The following TRIM2 variants were observed in gnomAD, a reference collection of about 807,000 sequenced individuals.
TRIM2 encodes the protein tripartite motif containing 2.
In TRIM2, 20 loss-of-function variants were observed where a neutral mutation model predicts 75.2. That is an observed-to-expected ratio of 0.27 (90% CI 0.19 to 0.39). TRIM2 has a LOEUF of 0.39. Ranked by LOEUF, TRIM2 falls within the 10% of genes least tolerant of loss-of-function variation. TRIM2 has a pLI of 1.00. For missense variants in TRIM2, 660 were observed against 990.8 expected (o/e 0.67, Z 4.48); for synonymous variants, 373 against 388.3 (o/e 0.96, Z 0.46).
chr4:153,222,319 C>T (rs1740814589), intron 1 of TRIM2: 1 of 152,096 alleles, frequency 6.6e-6, no homozygotes, highest in Non-Finnish European at 1.5e-5. Flanking sequence ...TCAAGCTGAA[C>T]TCACTTCCCC....
upstream of TRIM2, chr4:153,152,703 AC>A (rs1728839441): frequency 6.6e-6 from 1 of 152,066 alleles, no homozygotes; most frequent in Admixed American, 6.5e-5. Context: ...TGAGCTTCTT[AC>A]GCTTTGCATG....
chr4:153,288,980 A>G (rs1014533543), intron 3 of TRIM2, among the ~76,000 whole-genome samples: 1 of 152,096 alleles, frequency 6.6e-6, no homozygotes, highest in Admixed American at 6.5e-5. Context: ...TTAGTGAGAC[A>G]TTGTTCTCAT....
At chr4:153,296,142 C>A in intron 6 of TRIM2, 106 bp downstream of exon 6, 3 of 1,386,984 alleles carry the variant, frequency 2.2e-6, no homozygotes, top group Non-Finnish European at 2.9e-6. Flanking sequence ...ACTCTACCTG[C>A]AGGTGTTAGG....
At chr4:153,159,991 A>C (rs1333750178) in intron 1 of TRIM2, among the ~76,000 whole-genome samples, 1 of 152,222 alleles carries the variant, frequency 6.6e-6, no homozygotes, top group Non-Finnish European at 1.5e-5. Flanking sequence ...AGCTATTTTA[A>C]GTAAGAGTTA....
chr4:153,170,898 T>G (rs1038223572), intron 1 of TRIM2, among the ~76,000 whole-genome samples: 1 of 152,220 alleles, frequency 6.6e-6, no homozygotes, highest in African/African-American at 2.4e-5. Context: ...CACTGACACC[T>G]GACCAGTAGA....
intron 1 of TRIM2, among the ~76,000 whole-genome samples, chr4:153,238,508 C>T (rs1378734186): frequency 6.6e-6 from 1 of 151,996 alleles, no homozygotes; most frequent in African/African-American, 2.4e-5. Flanking sequence ...TGGGAAGCAT[C>T]GTATGAATCT....
intron 1 of TRIM2, chr4:153,222,521 T>C (rs1376281287): frequency 6.6e-6 from 1 of 152,172 alleles, no homozygotes; most frequent in Non-Finnish European, 1.5e-5. Context: ...AACTTGCGTG[T>C]TTGTTTTCAT....
intron 6 of TRIM2, among the ~76,000 whole-genome samples, chr4:153,298,309 T>G (rs1192188841): frequency 1.3e-5 from 2 of 152,216 alleles, no homozygotes; most frequent in Non-Finnish European, 2.9e-5. Flanking sequence ...AGACATTTAT[T>G]TTCTCACAGT....
chr4:153,318,272 C>G (rs1768140526), intron 8 of TRIM2, among the ~76,000 whole-genome samples: 1 of 152,202 alleles, frequency 6.6e-6, no homozygotes, highest in Admixed American at 6.5e-5. Context: ...TTTTTAAAGT[C>G]TTCAGACTGC....
Position 153,338,937 on chromosome 4 carries a change from G to T in TRIM2, c.*3971G>T. ...CAATTCTATAGACTTTCAAGCCTAT[G>T]TATGAATATGAAGGGGTTTTTTTTT... On this transcript the variant is annotated 3_prime_UTR_variant, in exon 12 of 12. Coordinates refer to ENST00000338700, the MANE Select transcript of TRIM2 (RefSeq NM_015271.5). 1 of 979,616 alleles carries T rather than the reference G, an allele frequency of 1.0e-6. No homozygotes were observed. Among genetic ancestry groups the T allele is most frequent in the Non-Finnish European group, 1.2e-6 (1 of 827,576 alleles). 60.7% of individuals were successfully genotyped at this position (979,616 alleles called of 1,614,324 possible).
chr4:153,218,154 T>C (rs7660732), intron 1 of TRIM2, among the ~76,000 whole-genome samples: 101,736 of 152,110 alleles, frequency 0.67, 34,409 homozygotes, highest in East Asian at 0.88. Context: ...TATTCAATTG[T>C]AAATATTTAT....
At chr4:153,306,404 A>ATG (rs1291596695) in intron 6 of TRIM2, among the ~76,000 whole-genome samples, 1 of 152,242 alleles carries the variant, frequency 6.6e-6, no homozygotes, top group African/African-American at 2.4e-5. Context: ...AAGAGCAGAT[A>ATG]TGTGTCAGTT....
intron 1 of TRIM2, among the ~76,000 whole-genome samples, chr4:153,158,079 T>C (rs72727829): frequency 0.07 from 10,728 of 152,348 alleles, 587 homozygotes; most frequent in Admixed American, 0.14. Context: ...GCCTCTCTAT[T>C]CTAGAGCTTT....
intron 1 of TRIM2, among the ~76,000 whole-genome samples, chr4:153,260,727 TC>T (rs1560903292): frequency 1.1e-5 from 1 of 93,230 alleles, no homozygotes; most frequent in African/African-American, 4.1e-5. Context: ...CACACACACA[TC>T]ATCATCATCA....
At chr4:153,219,186 A>G (rs1368971776) in intron 1 of TRIM2, among the ~76,000 whole-genome samples, 2 of 152,136 alleles carry the variant, frequency 1.3e-5, no homozygotes, top group Non-Finnish European at 2.9e-5. Flanking sequence ...CTTTCCAGCT[A>G]TTTCAAAGAG....
chr4:153,257,736 C>G lies in TRIM2; in HGVS notation c.31-12599C>G, dbSNP rs1463328719. The G allele has an allele frequency of 3.2e-5, 19 of 597,852 alleles. No individual in the cohort carries two copies. In the Middle Eastern group the frequency reaches 3.5e-3, roughly 109 times the overall value. The allele number at this position is 597,852 out of a possible 1,614,324, so 37.0% of individuals were successfully genotyped here. On this transcript the variant is annotated intron_variant, in intron 1 of 11. Coordinates refer to ENST00000338700, the MANE Select transcript of TRIM2 (RefSeq NM_015271.5). ...CTTGGGAGGATTTAATTCTTTGCCTCGTTGGTTAGTCTGTTTGTCTTCAGA... is the reference window on the plus strand; with the variant it reads ...CTTGGGAGGATTTAATTCTTTGCCTGGTTGGTTAGTCTGTTTGTCTTCAGA...
intron 3 of TRIM2, among the ~76,000 whole-genome samples, chr4:153,284,663 C>A (rs757325724): frequency 6.6e-6 from 1 of 152,064 alleles, no homozygotes; most frequent in Non-Finnish European, 1.5e-5. Flanking sequence ...TATCTTGTTG[C>A]GGTTTTGATT....
intron 1 of TRIM2, among the ~76,000 whole-genome samples, chr4:153,223,667 C>T (rs1367653568): frequency 6.6e-6 from 1 of 152,128 alleles, no homozygotes; most frequent in Non-Finnish European, 1.5e-5. Context: ...TCACTAAATG[C>T]CTGTCAGATC....
intron 1 of TRIM2, among the ~76,000 whole-genome samples, chr4:153,221,537 C>G (rs1739992841): frequency 6.6e-6 from 1 of 152,176 alleles, no homozygotes; most frequent in South Asian, 2.1e-4. Context: ...TCTATCATTT[C>G]ATAGTGTTTT....
Sources: allele counts gnomAD v4.1 joint callset (sites outside exome capture counted in the v4.1 genomes callset), GRCh38; gene constraint gnomAD v4.1.1; transcripts MANE v1.5; gene names NCBI Gene and HGNC (gene_info 2026-07-23, HGNC 2026-07-21).